Variants in ADAMTSL1 observed in about 807,000 individuals in gnomAD.
ADAMTSL1 encodes ADAMTS-like protein 1.
ADAMTSL1 carries 126 observed loss-of-function variants against 201.8 expected under a neutral mutation model. The ratio of observed to expected loss-of-function variants is 0.62; its 90% CI spans 0.54 to 0.72. ADAMTSL1 has a LOEUF of 0.72. ADAMTSL1 is among the 30% of genes least tolerant of loss of function. The pLI is 0.00. For missense variants in ADAMTSL1, 2,679 were observed against 2,277.8 expected, an observed-to-expected ratio of 1.18 and a Z score of -3.59; for synonymous variants, 1,121 against 903.4, an observed-to-expected ratio of 1.24 and a Z score of -4.32.
At chr9:18,028,196 A>G (rs1820783093) in intron 1 of ADAMTSL1, among the ~76,000 whole-genome samples, 1 of 152,016 alleles carries the variant, frequency 6.6e-6, no homozygotes, top group South Asian at 2.1e-4. Context: ...CTGTCGTGAT[A>G]TTGTTAGCTG....
chr9:18,358,194 A>ATATTT (rs1836341620), intron 2 of ADAMTSL1, among the ~76,000 whole-genome samples: 4 of 152,206 alleles, frequency 2.6e-5, no homozygotes, highest in Admixed American at 2.6e-4. Context: ...TTAGGTACAT[A>ATATTT]ACAGTGCCTG....
At chr9:18,092,146 C>T (rs555822143) in intron 1 of ADAMTSL1, among the ~76,000 whole-genome samples, 8 of 152,142 alleles carry the variant, frequency 5.3e-5, no homozygotes, top group East Asian at 1.9e-4. Flanking sequence ...ACTTGGGGCT[C>T]GGCTCTGGGG....
At chr9:18,482,153 G>A (rs1821760524) in intron 1 of ADAMTSL1, among the ~76,000 whole-genome samples, 1 of 152,150 alleles carries the variant, frequency 6.6e-6, no homozygotes, top group South Asian at 2.1e-4. Context: ...TCAAAAGTAG[G>A]ATAGTTGAAA....
intron 15 of ADAMTSL1, among the ~76,000 whole-genome samples, chr9:18,746,392 G>A (rs991800369): frequency 3.9e-5 from 6 of 152,120 alleles, no homozygotes; most frequent in Admixed American, 1.3e-4. Flanking sequence ...TCCACCTCCC[G>A]ACCTCAGAGG....
At chr9:18,199,765 A>G (rs532884149) in intron 2 of ADAMTSL1, among the ~76,000 whole-genome samples, 1 of 152,230 alleles carries the variant, frequency 6.6e-6, no homozygotes, top group South Asian at 2.1e-4. Flanking sequence ...GTAGTTTGGT[A>G]CAGGATGCAA....
intron 15 of ADAMTSL1, among the ~76,000 whole-genome samples, chr9:18,739,311 G>A (rs777817484): frequency 5.9e-5 from 9 of 152,180 alleles, no homozygotes; most frequent in Non-Finnish European, 1.3e-4. Context: ...GAAATTCAAA[G>A]TTCTGGGGCA....
At position 18,893,262 on chromosome 9, in the gene ADAMTSL1, T is replaced by G. The variant is rs139294418; in HGVS notation, c.4851+666T>G. On this transcript the variant is annotated intron_variant, in intron 26 of 28. Coordinates refer to ENST00000380548, the MANE Select transcript of ADAMTSL1 (RefSeq NM_001040272.6). The stretch of plus-strand genomic sequence containing the variant: ...AGCTCTGGTTCCAGGCCCTCGAGGC[T>G]TATTGGCAGTTTGTAAAATTACAAT... 6.2e-3 allele frequency among the ~76,000 whole-genome samples: 945 copies of G among 152,248 alleles called. 13 individuals carry two copies. Among genetic ancestry groups the G allele is most frequent in the African/African-American group, 0.021 (881 of 41,526 alleles).
intron 2 of ADAMTSL1, among the ~76,000 whole-genome samples, chr9:18,347,574 T>TA (rs1835780812): frequency 1.3e-5 from 2 of 152,166 alleles, no homozygotes; most frequent in Admixed American, 6.5e-5. Context: ...CAGAATTATT[T>TA]AAAAAAACAA....
intron 1 of ADAMTSL1, among the ~76,000 whole-genome samples, chr9:18,040,720 C>T (rs1586935037): frequency 6.6e-6 from 1 of 151,854 alleles, no homozygotes; most frequent in Non-Finnish European, 1.5e-5. Flanking sequence ...CTTATAATTA[C>T]AGCCCTTATT....
chr9:18,399,089 A>G (rs115662409), intron 2 of ADAMTSL1, among the ~76,000 whole-genome samples: 1,753 of 151,674 alleles, frequency 0.012, 31 homozygotes, highest in African/African-American at 0.041. Flanking sequence ...AGATGAATCC[A>G]GTACATTTTT....
At chr9:18,090,315 A>T (rs1823952748) in intron 1 of ADAMTSL1, among the ~76,000 whole-genome samples, 3 of 152,212 alleles carry the variant, frequency 2.0e-5, no homozygotes, top group Admixed American at 2.0e-4. Flanking sequence ...TCATAGCAGC[A>T]TTATTCACAA....
At chr9:18,523,324 T>G (rs201630376) in intron 2 of ADAMTSL1, among the ~76,000 whole-genome samples, 1 of 152,130 alleles carries the variant, frequency 6.6e-6, no homozygotes, top group African/African-American at 2.4e-5. Flanking sequence ...TGAATTCTTT[T>G]TAGATTGTGG....
rs1399768667 is a variant in ADAMTSL1 at position 18,826,017 on chromosome 9, CTG to C, written c.3935-265_3935-264del. 8.5e-6 allele frequency: 5 copies of C among 585,776 alleles called. No homozygotes were observed. The Admixed American group carries it at 1.2e-4, about 14-fold the overall frequency. 36.3% of individuals were successfully genotyped at this position (585,776 alleles called of 1,614,324 possible). A position where few individuals can be genotyped will look rare whatever the true frequency, so the allele number is the denominator to read the frequency against. ...TGGCCTCCCTCTTCCTGTCTCATCA[CTG>C]TAAGTTTAAAAGGCAAAAGATCTGG... On this transcript the variant is annotated intron_variant, in intron 21 of 28. Transcript: ENST00000380548.
intron 1 of ADAMTSL1, among the ~76,000 whole-genome samples, chr9:18,130,274 G>C (rs1286216704): frequency 6.6e-6 from 1 of 152,148 alleles, no homozygotes; most frequent in Non-Finnish European, 1.5e-5. Context: ...AGCAGCTCCT[G>C]CTTTCTGGCC....
At chr9:18,320,319 T>C (rs544622413) in intron 2 of ADAMTSL1, among the ~76,000 whole-genome samples, 1 of 152,336 alleles carries the variant, frequency 6.6e-6, no homozygotes, top group South Asian at 2.1e-4. Context: ...TAATTTGTTA[T>C]GGCAGCATTA....
chr9:18,712,147 A>G (rs977021466), intron 14 of ADAMTSL1, among the ~76,000 whole-genome samples: 17 of 152,236 alleles, frequency 1.1e-4, no homozygotes, highest in African/African-American at 4.1e-4. Flanking sequence ...AAGATGGGGA[A>G]AAAAACAGAA....
chr9:18,833,894 A>C (rs1825154484), intron 23 of ADAMTSL1, among the ~76,000 whole-genome samples: 1 of 152,066 alleles, frequency 6.6e-6, no homozygotes, highest in African/African-American at 2.4e-5. Context: ...CTCAGTTTTA[A>C]TCTTCTCTAT....
At chr9:18,103,636 G>GTATC (rs1026978564) in intron 1 of ADAMTSL1, among the ~76,000 whole-genome samples, 1 of 152,182 alleles carries the variant, frequency 6.6e-6, no homozygotes, top group African/African-American at 2.4e-5. Flanking sequence ...TAGCTATAAA[G>GTATC]TATCTATCAT....
intron 2 of ADAMTSL1, among the ~76,000 whole-genome samples, chr9:18,273,125 G>C (rs1193582258): frequency 6.6e-6 from 1 of 152,190 alleles, no homozygotes; most frequent in African/African-American, 2.4e-5. Context: ...TGTTACCCAG[G>C]CTGGAATGTG....
Sources: gnomAD v4.1 joint callset for allele counts (sites outside exome capture counted in the v4.1 genomes callset) on GRCh38, gnomAD v4.1.1 for gene constraint, MANE v1.5 for transcripts, NCBI Gene and HGNC (gene_info 2026-07-23, HGNC 2026-07-21) for gene names.